The following HYAL4 variants were observed in gnomAD, a reference collection of about 807,000 sequenced individuals.
The protein encoded by HYAL4 is hyaluronidase 4.
In HYAL4, 37 loss-of-function variants were observed where a neutral mutation model predicts 35.2. That is an observed-to-expected ratio of 1.05 (90% confidence interval 0.81 to 1.38). HYAL4 has a LOEUF of 1.38. HYAL4 is among the 40% of genes most tolerant of loss of function. The probability of loss-of-function intolerance (pLI) is 0.00; values close to 1 mark genes in which losing one functional copy is unlikely to be tolerated. For missense variants in HYAL4, 572 were observed against 572.4 expected, an observed-to-expected ratio of 1.00 and a Z score of 0.01; for synonymous variants, 198 against 203.2, an observed-to-expected ratio of 0.97 and a Z score of 0.22.
the HYAL4 span, among the ~76,000 whole-genome samples, chr7:123,800,336 A>T: frequency 3.3e-5 from 5 of 149,596 alleles, no homozygotes; most frequent in African/African-American, 1.2e-4. Context: ...TGCCCGGCTA[A>T]TTTTTTGTAT....
chr7:123,776,638 C>T, the HYAL4 span, among the ~76,000 whole-genome samples: 3 of 152,252 alleles, frequency 2.0e-5, no homozygotes, highest in South Asian at 2.1e-4. Context: ...TGGCTGCTCC[C>T]GAACTCCTGG....
chr7:123,806,204 G>C, the HYAL4 span, among the ~76,000 whole-genome samples: 1 of 152,140 alleles, frequency 6.6e-6, no homozygotes, highest in Non-Finnish European at 1.5e-5. Flanking sequence ...GATGAGGTGA[G>C]AGTGTTGCAC....
At position 123,871,638 on chromosome 7, in the gene HYAL4, G is replaced by C. The variant is rs138389234; in HGVS notation, c.954+2411G>C. On this transcript the variant is annotated intron_variant, in intron 3 of 4. Transcript: ENST00000223026. ...TTAAGATTACAAAAAAGATTCACTA[G>C]TAAGTAGCAAATCTCTTAACCTCCC... 5.8e-3 allele frequency among the ~76,000 whole-genome samples: 887 copies of C among 152,262 alleles called. 11 individuals carry two copies. Among genetic ancestry groups the C allele is most frequent in the African/African-American group, 0.021 (852 of 41,540 alleles).
intron 2 of HYAL4, among the ~76,000 whole-genome samples, chr7:123,861,545 A>T (rs1806575766): frequency 6.6e-6 from 1 of 152,190 alleles, no homozygotes; most frequent in Non-Finnish European, 1.5e-5. Context: ...ACAAAGACCA[A>T]GTGTATACTT....
At chr7:123,788,256 A>G in the HYAL4 span, among the ~76,000 whole-genome samples, 3 of 152,326 alleles carry the variant, frequency 2.0e-5, no homozygotes, top group Admixed American at 6.5e-5. Flanking sequence ...CCCAGCCTGG[A>G]CAACATAGTG....
intron 1 of HYAL4, among the ~76,000 whole-genome samples, chr7:123,829,915 G>A (rs895822156): frequency 2.0e-5 from 3 of 152,106 alleles, no homozygotes; most frequent in Non-Finnish European, 4.4e-5. Context: ...AACAATGAGG[G>A]GTAAAATGAT....
At chr7:123,789,794 A>C in the HYAL4 span, among the ~76,000 whole-genome samples, 1 of 152,194 alleles carries the variant, frequency 6.6e-6, no homozygotes, top group Admixed American at 6.5e-5. Flanking sequence ...ATCCATATAC[A>C]CATAAGTACA....
chr7:123,768,890 C>T, the HYAL4 span, among the ~76,000 whole-genome samples: 1 of 152,132 alleles, frequency 6.6e-6, no homozygotes, highest in Non-Finnish European at 1.5e-5. Flanking sequence ...CTGTTTCTGT[C>T]CTAAGATTTG....
Position 123,831,294 on chromosome 7 carries a change from C to T in HYAL4, c.-257+2170C>T, listed in dbSNP as rs562965534. 2.0e-5 allele frequency among the ~76,000 whole-genome samples: 3 copies of T among 152,320 alleles called. No individual in the cohort carries two copies. In the East Asian group the frequency reaches 5.8e-4, roughly 29 times the overall value. On this transcript the variant is annotated intron_variant, in intron 1 of 4. Coordinates refer to the HYAL4 transcript ENST00000489978. Reference sequence around the variant, plus strand: ...CATGCTGTGATGCAGCATGAAAGCCCTCACCAGAAGCCAGGGCCATGATCT... The same window carrying T: ...CATGCTGTGATGCAGCATGAAAGCCTTCACCAGAAGCCAGGGCCATGATCT...
At chr7:123,811,172 G>T in the HYAL4 span, among the ~76,000 whole-genome samples, 11 of 152,174 alleles carry the variant, frequency 7.2e-5, no homozygotes, top group African/African-American at 2.4e-4. Context: ...ATTTTTGTGT[G>T]GGTGTAAGTT....
the HYAL4 span, among the ~76,000 whole-genome samples, chr7:123,775,983 GAGA>G: frequency 6.6e-6 from 1 of 152,194 alleles, no homozygotes; most frequent in Non-Finnish European, 1.5e-5. Flanking sequence ...AATTGGATTA[GAGA>G]AGATTTTTTC....
chr7:123,805,981 G>A, the HYAL4 span, among the ~76,000 whole-genome samples: 1 of 151,806 alleles, frequency 6.6e-6, no homozygotes, highest in African/African-American at 2.4e-5. Context: ...GTGACAACAG[G>A]GAGACTCCGT....
the HYAL4 span, among the ~76,000 whole-genome samples, chr7:123,770,365 C>G: frequency 2.0e-5 from 3 of 150,964 alleles, no homozygotes; most frequent in African/African-American, 7.3e-5. Flanking sequence ...TGGCGTGAAC[C>G]CGGGAGGCGG....
chr7:123,775,237 A>C, the HYAL4 span, among the ~76,000 whole-genome samples: 1 of 152,330 alleles, frequency 6.6e-6, no homozygotes, highest in East Asian at 1.9e-4. Context: ...GTTTGAGACC[A>C]GCCTGGGCAA....
chr7:123,838,391 C>G (rs1206589360), intron 1 of HYAL4, among the ~76,000 whole-genome samples: 1 of 151,966 alleles, frequency 6.6e-6, no homozygotes, highest in African/African-American at 2.4e-5. Context: ...ATTAATCATG[C>G]TACGTATGGG....
the HYAL4 span, among the ~76,000 whole-genome samples, chr7:123,800,076 T>C: frequency 6.6e-6 from 1 of 152,070 alleles, no homozygotes; most frequent in East Asian, 1.9e-4. Context: ...GGTGGAAGGA[T>C]CGCTTTAACT....
chr7:123,795,108 C>G, the HYAL4 span, among the ~76,000 whole-genome samples: 1 of 152,222 alleles, frequency 6.6e-6, no homozygotes, highest in African/African-American at 2.4e-5. Flanking sequence ...AATAACTGCC[C>G]TACTGGATAT....
chr7:123,836,462 A>G (rs1805964708), intron 1 of HYAL4, among the ~76,000 whole-genome samples: 1 of 152,140 alleles, frequency 6.6e-6, no homozygotes, highest in South Asian at 2.1e-4. Context: ...CCTTAAGTTT[A>G]TATGAGTCCT....
the HYAL4 span, among the ~76,000 whole-genome samples, chr7:123,808,210 A>C: frequency 6.6e-6 from 1 of 152,054 alleles, no homozygotes; most frequent in Non-Finnish European, 1.5e-5. Flanking sequence ...AGTTCTTGCA[A>C]ATTCCAATGT....
Sources: gnomAD v4.1 joint callset for allele counts (sites outside exome capture counted in the v4.1 genomes callset) on GRCh38, gnomAD v4.1.1 for gene constraint, MANE v1.5 for transcripts, NCBI Gene and HGNC (gene_info 2026-07-23, HGNC 2026-07-21) for gene names.